Variants in VPS53 observed in about 807,000 individuals in gnomAD.
The protein encoded by VPS53 is VPS53 subunit of GARP complex.
In VPS53, 70 loss-of-function variants were observed where a neutral mutation model predicts 107.0. The observed-to-expected ratio is 0.65, with a 90% CI of 0.54 to 0.80. The LOEUF is 0.80. Ranked by LOEUF, VPS53 falls within the 30% of genes least tolerant of loss-of-function variation. The pLI is 0.00. For synonymous variants in VPS53, 409 were observed against 393.3 expected (o/e 1.04, Z -0.47); for missense variants, 917 against 1,049.4 (o/e 0.87, Z 1.74).
intron 10 of VPS53, 152 bp from the exon 11 acceptor site, chr17:623,826 G>A (rs1049682290): frequency 1.7e-5 from 14 of 821,788 alleles, no homozygotes; most frequent in Non-Finnish European, 3.5e-6. Flanking sequence ...CTAAAACCTG[G>A]GGAATAGAAA....
intron 10 of VPS53, among the ~76,000 whole-genome samples, chr17:625,426 A>G (rs987659927): frequency 2.0e-5 from 3 of 151,764 alleles, no homozygotes; most frequent in Admixed American, 6.6e-5. Flanking sequence ...CATGCCTGTG[A>G]ATAGCCATTG....
At position 510,994 on chromosome 17, in the gene VPS53, GCT is replaced by G. The variant is rs990258834; in HGVS notation, c.*8132_*8133del. 3 of 152,054 alleles carry G rather than the reference GCT, an allele frequency of 2.0e-5. No individual in the cohort carries two copies. Among genetic ancestry groups the G allele is most frequent in the Non-Finnish European group, 4.4e-5 (3 of 68,058 alleles). The allele number at this position is 152,054 out of a possible 1,614,324, so 9.4% of individuals were successfully genotyped here. A position where few individuals can be genotyped will look rare whatever the true frequency, so the allele number is the denominator to read the frequency against. ...CGGTGTGGGTATGAGGTTGTGGGGG[GCT>G]CTGTGTGTAAACTGATGTTTCTTTA... On this transcript the variant is annotated 3_prime_UTR_variant, in exon 22 of 22. Coordinates refer to ENST00000437048, the MANE Select transcript of VPS53 (RefSeq NM_001128159.3).
In VPS53 at chr17:547,399, C is replaced by T. The variant is rs59606694; in HGVS notation, c.1866+4473G>A. ...CCATGCACATGCCCTGAAAACACTA[C>T]GCTAAGTGAAGAAAGCCAAGCACAA... On this transcript the variant is annotated intron_variant, in intron 17 of 21. Coordinates refer to ENST00000437048, the MANE Select transcript of VPS53 (RefSeq NM_001128159.3). Among the ~76,000 whole-genome samples, 1,341 of 152,200 alleles carry T rather than the reference C, an allele frequency of 8.8e-3. 21 individuals are homozygous for T. Among genetic ancestry groups the T allele is most frequent in the African/African-American group, 0.029 (1,223 of 41,534 alleles).
In VPS53 at chr17:576,937, A is replaced by T. The variant is rs145670051; in HGVS notation, c.1313+9333T>A. Among the ~76,000 whole-genome samples, 17 of 149,638 alleles carry T rather than the reference A, an allele frequency of 1.1e-4. No individual in the cohort carries two copies. The East Asian group carries it at 3.4e-3, about 30-fold the overall frequency. On this transcript the variant is annotated intron_variant, in intron 13 of 21. Transcript: ENST00000437048. ...TGCGTTCCCAGAAAACCTCCCTCAGAACCTCAATGCTTTCCTAGAGAACCT... is the reference window on the plus strand; with the variant it reads ...TGCGTTCCCAGAAAACCTCCCTCAGTACCTCAATGCTTTCCTAGAGAACCT...
chr17:701,842 C>T (rs1973214254), intron 2 of VPS53, among the ~76,000 whole-genome samples: 1 of 152,134 alleles, frequency 6.6e-6, no homozygotes, highest in Non-Finnish European at 1.5e-5. Context: ...TCCTCCCACC[C>T]CAGCCTCCTG....
chr17:617,751 G>A (rs1370514183), intron 11 of VPS53, among the ~76,000 whole-genome samples: 11 of 101,528 alleles, frequency 1.1e-4, no homozygotes, highest in South Asian at 3.2e-4. Flanking sequence ...ACAGGCATGC[G>A]CCACCACGCC....
At chr17:670,729 C>T (rs954150284) in intron 4 of VPS53, among the ~76,000 whole-genome samples, 6 of 152,226 alleles carry the variant, frequency 3.9e-5, no homozygotes, top group Non-Finnish European at 8.8e-5. Flanking sequence ...GATTTTAAAC[C>T]GAGATCCCCT....
intron 4 of VPS53, among the ~76,000 whole-genome samples, chr17:671,555 G>A (rs1229165844): frequency 6.6e-6 from 1 of 152,160 alleles, no homozygotes; most frequent in Non-Finnish European, 1.5e-5. Flanking sequence ...CTACCTGAAA[G>A]GTAGTAAGGA....
intron 7 of VPS53, among the ~76,000 whole-genome samples, chr17:651,952 G>T (rs1290643651): frequency 3.9e-5 from 6 of 151,916 alleles, no homozygotes; most frequent in Non-Finnish European, 4.4e-5. Context: ...AAAGAATAAG[G>T]TTGGGGGGAA....
intron 11 of VPS53, among the ~76,000 whole-genome samples, chr17:603,084 A>C (rs1968400309): frequency 6.6e-6 from 1 of 152,212 alleles, no homozygotes; most frequent in African/African-American, 2.4e-5. Context: ...AACTTTGCCA[A>C]GTGCCAGGAC....
intron 13 of VPS53, among the ~76,000 whole-genome samples, chr17:564,169 C>T (rs949349466): frequency 1.3e-5 from 2 of 150,930 alleles, no homozygotes; most frequent in Non-Finnish European, 3.0e-5. Flanking sequence ...GCCCAGGCGG[C>T]GGATCACTTG....
intron 13 of VPS53, among the ~76,000 whole-genome samples, chr17:576,299 A>G (rs767028138): frequency 3.9e-5 from 6 of 151,906 alleles, no homozygotes; most frequent in African/African-American, 7.3e-5. Flanking sequence ...GAGAACCTCA[A>G]TGCATTCCCA....
chr17:713,129 G>C (rs1376921010), intron 1 of VPS53, among the ~76,000 whole-genome samples: 1 of 151,054 alleles, frequency 6.6e-6, no homozygotes, highest in Non-Finnish European at 1.5e-5. Flanking sequence ...TGAGCCCCAG[G>C]AGTTCGAGGC....
intron 11 of VPS53, among the ~76,000 whole-genome samples, chr17:618,894 C>T (rs888635887): frequency 2.0e-5 from 3 of 150,342 alleles, no homozygotes; most frequent in African/African-American, 7.4e-5. Context: ...GCGCCCACCA[C>T]GCCTGCTAAT....
At chr17:653,504 C>G (rs903848435) in intron 6 of VPS53, 94 bp from the exon 7 acceptor site, 5 of 1,570,714 alleles carry the variant, frequency 3.2e-6, no homozygotes, top group Non-Finnish European at 4.3e-6. Context: ...AAACAGATAT[C>G]AACTCAGCTG....
intron 17 of VPS53, among the ~76,000 whole-genome samples, chr17:543,838 AGGGAGGGAG>A (rs1487034525): frequency 7.3e-5 from 3 of 41,368 alleles, no homozygotes; most frequent in African/African-American, 3.3e-4. Flanking sequence ...GGAGGGAGGG[AGGGAGGGAG>A]GGAAGGAGGG....
chr17:660,502 C>T (rs117734584), intron 5 of VPS53, among the ~76,000 whole-genome samples: 2,363 of 152,292 alleles, frequency 0.016, 24 homozygotes, highest in Middle Eastern at 0.031. Context: ...GAAGAGGAAG[C>T]ATACTCCAGA....
chr17:519,907 CGGTTCATGAGGGGCCATCACT>C lies in VPS53; in HGVS notation c.2226_2246del (p.Val743_Pro749del). 1.9e-6 allele frequency: 3 copies of C among 1,551,604 alleles called. No individual in the cohort carries two copies. The highest frequency in any genetic ancestry group is 2.6e-6 in the Non-Finnish European group (3 of 1,146,944). Reference sequence around the variant, plus strand: ...TGTAGTTGTCAACAAACACCACCAACGGTTCATGAGGGGCCATCACTACCTACAGCGGGAGGAGACAGGAGC... The same window carrying C: ...TGTAGTTGTCAACAAACACCACCAACACCTACAGCGGGAGGAGACAGGAGC... On this transcript the variant is annotated inframe_deletion and splice_region_variant, in exon 21 of 22. Transcript: ENST00000437048. The surrounding 1 kb of genome is among the most constrained non-coding windows in gnomAD (Gnocchi z 5.0).
chr17:518,725 C>T lies in VPS53; in HGVS notation c.*403G>A, dbSNP rs549670074. ...GAGGTTGCAGTGAGCCGAGATCACG[C>T]CACTGCACTCCAGCCTGGGTGACAG... is the stretch of plus-strand genomic sequence containing the variant. On this transcript the variant is annotated 3_prime_UTR_variant, in exon 22 of 22. Transcript: ENST00000437048. The T allele has an allele frequency of 1.7e-4, 24 of 143,090 alleles. No individual in the cohort carries two copies. Among genetic ancestry groups the T allele is most frequent in the Admixed American group, 9.8e-4 (13 of 13,242 alleles). 8.9% of individuals were successfully genotyped at this position (143,090 alleles called of 1,614,324 possible).
Sources: allele counts gnomAD v4.1 joint callset (sites outside exome capture counted in the v4.1 genomes callset), GRCh38; gene constraint gnomAD v4.1.1; non-coding constraint Gnocchi (gnomAD v3.1); transcripts MANE v1.5; gene names NCBI Gene and HGNC (gene_info 2026-07-23, HGNC 2026-07-21).